KATNAL1: variants seen among roughly 807,000 people sequenced by gnomAD.
KATNAL1 encodes katanin catalytic subunit A1 like 1, also known as katanin p60 ATPase-containing subunit A-like 1.
KATNAL1 carries 32 observed loss-of-function variants against 55.2 expected under a neutral mutation model. That is an observed-to-expected ratio of 0.58 (90% CI 0.44 to 0.78). KATNAL1 has a LOEUF of 0.78. Among genes scored for constraint, KATNAL1 ranks in the 30% least tolerant of loss-of-function variants. KATNAL1 has a pLI of 0.00. For missense variants in KATNAL1, 466 were observed against 600.9 expected, an observed-to-expected ratio of 0.78 and a Z score of 2.35; for synonymous variants, 193 against 193.6, an observed-to-expected ratio of 1.00 and a Z score of 0.02.
intron 1 of KATNAL1, among the ~76,000 whole-genome samples, chr13:30,299,277 C>T (rs1398969886): frequency 6.6e-6 from 1 of 151,982 alleles, no homozygotes; most frequent in East Asian, 1.9e-4. Flanking sequence ...TCAGGCAAAT[C>T]ATATAATTTC....
intron 1 of KATNAL1, among the ~76,000 whole-genome samples, chr13:30,291,763 C>T (rs1451649227): frequency 3.3e-5 from 5 of 152,124 alleles, no homozygotes; most frequent in African/African-American, 9.7e-5. Flanking sequence ...TGGCCGGGCA[C>T]GGTGACTCAT....
intron 4 of KATNAL1, among the ~76,000 whole-genome samples, chr13:30,242,219 C>CT (rs1207201244): frequency 6.6e-6 from 1 of 152,132 alleles, no homozygotes; most frequent in Non-Finnish European, 1.5e-5. Context: ...ATATCTGGAG[C>CT]TTGAGCCTTC....
chr13:30,245,271 T>C (rs908704676), intron 4 of KATNAL1, among the ~76,000 whole-genome samples: 2 of 152,094 alleles, frequency 1.3e-5, no homozygotes, highest in African/African-American at 2.4e-5. Context: ...AAAAATGTAA[T>C]CCATCACATA....
intron 1 of KATNAL1, 86 bp from the exon 2 acceptor site, chr13:30,283,877 C>CTTTT: frequency 8.6e-6 from 6 of 695,576 alleles, no homozygotes; most frequent in Non-Finnish European, 1.3e-5. Context: ...TTTAAAACTA[C>CTTTT]TTTTTTTTTT....
intron 9 of KATNAL1, among the ~76,000 whole-genome samples, chr13:30,223,695 C>T (rs1875157004): frequency 6.6e-6 from 1 of 151,918 alleles, no homozygotes; most frequent in South Asian, 2.1e-4. Flanking sequence ...CATCAAAACA[C>T]ATGAAGCAAA....
intron 4 of KATNAL1, among the ~76,000 whole-genome samples, chr13:30,253,952 T>G (rs762500589): frequency 1.6e-4 from 24 of 152,216 alleles, no homozygotes; most frequent in Non-Finnish European, 3.2e-4. Context: ...CACAGTTTCT[T>G]CATCTGTAAA....
chr13:30,253,719 T>C (rs1018972571), intron 4 of KATNAL1, among the ~76,000 whole-genome samples: 6 of 152,152 alleles, frequency 3.9e-5, no homozygotes, highest in East Asian at 1.9e-4. Flanking sequence ...CTTGATTATT[T>C]TGTTCTTTGC....
At chr13:30,211,697 T>C (rs778258161) in intron 9 of KATNAL1, among the ~76,000 whole-genome samples, 2 of 152,198 alleles carry the variant, frequency 1.3e-5, no homozygotes, top group South Asian at 4.1e-4. Context: ...AAAAGGTCTA[T>C]CTGTAAAAAC....
chr13:30,261,839 T>A (rs1450902850), intron 3 of KATNAL1, among the ~76,000 whole-genome samples: 2,997 of 151,366 alleles, frequency 0.02, 56 homozygotes, highest in Non-Finnish European at 0.031. Flanking sequence ...GATACCCAGG[T>A]ATTGAACTCA....
chr13:30,297,893 G>A (rs1374298931), intron 1 of KATNAL1, among the ~76,000 whole-genome samples: 1 of 152,138 alleles, frequency 6.6e-6, no homozygotes, highest in African/African-American at 2.4e-5. Flanking sequence ...GCAAGAGTTG[G>A]AAAACTATCT....
intron 1 of KATNAL1, among the ~76,000 whole-genome samples, chr13:30,287,702 A>C (rs1881882589): frequency 6.6e-6 from 1 of 152,228 alleles, no homozygotes; most frequent in Non-Finnish European, 1.5e-5. Flanking sequence ...ATATGTAATT[A>C]ATAAATCCAG....
intron 1 of KATNAL1, among the ~76,000 whole-genome samples, chr13:30,290,822 A>G (rs1882087592): frequency 6.6e-6 from 1 of 152,222 alleles, no homozygotes; most frequent in African/African-American, 2.4e-5. Context: ...TTTTAAAACC[A>G]ATCAATACAA....
At chr13:30,214,301 T>C (rs1338930613) in intron 9 of KATNAL1, among the ~76,000 whole-genome samples, 1 of 152,220 alleles carries the variant, frequency 6.6e-6, no homozygotes, top group Non-Finnish European at 1.5e-5. Flanking sequence ...GAACATTCCA[T>C]GCTCATGGGT....
intron 9 of KATNAL1, among the ~76,000 whole-genome samples, chr13:30,212,696 T>C (rs948516289): frequency 6.6e-6 from 1 of 152,200 alleles, no homozygotes; most frequent in Non-Finnish European, 1.5e-5. Context: ...TATACATGTA[T>C]GAAAATGTTC....
chr13:30,212,323 T>C (rs1873768066), intron 9 of KATNAL1, among the ~76,000 whole-genome samples: 1 of 152,216 alleles, frequency 6.6e-6, no homozygotes, highest in African/African-American at 2.4e-5. Flanking sequence ...GTATCAAGAA[T>C]ATTTAAGGAA....
At chr13:30,293,464 G>A (rs1346119455) in intron 1 of KATNAL1, among the ~76,000 whole-genome samples, 5 of 152,054 alleles carry the variant, frequency 3.3e-5, no homozygotes, top group Non-Finnish European at 5.9e-5. Flanking sequence ...CTCCCAGTCA[G>A]TACTTTAATC....
intron 4 of KATNAL1, among the ~76,000 whole-genome samples, chr13:30,245,345 A>C (rs916907265): frequency 1.3e-5 from 2 of 152,234 alleles, no homozygotes; most frequent in African/African-American, 2.4e-5. Context: ...CTTCGATAAA[A>C]TTCAACACCC....
chr13:30,279,849 G>A (rs1040716581), intron 3 of KATNAL1, among the ~76,000 whole-genome samples: 7 of 152,108 alleles, frequency 4.6e-5, no homozygotes, highest in East Asian at 3.8e-4. Context: ...TGTTATTAGC[G>A]TAATAAAGCA....
chr13:30,226,406 G>A (rs533855400), intron 9 of KATNAL1, among the ~76,000 whole-genome samples: 1 of 152,310 alleles, frequency 6.6e-6, no homozygotes, highest in Non-Finnish European at 1.5e-5. Flanking sequence ...ACAAATTGTG[G>A]TATAATCATA....
Sources: allele counts gnomAD v4.1 joint callset (sites outside exome capture counted in the v4.1 genomes callset), GRCh38; gene constraint gnomAD v4.1.1; transcripts MANE v1.5; gene names NCBI Gene and HGNC (gene_info 2026-07-23, HGNC 2026-07-21).